The following CENPP variants were observed in gnomAD, a reference collection of about 807,000 sequenced individuals.
The protein encoded by CENPP is centromere protein P.
A neutral mutation model predicts 35.6 loss-of-function variants in CENPP; 24 were observed. The observed-to-expected ratio is 0.67, with a 90% CI of 0.49 to 0.95. The LOEUF (loss-of-function observed/expected upper bound fraction) is 0.95. Ranked by LOEUF, CENPP falls within the 40% of genes least tolerant of loss-of-function variation. The probability of loss-of-function intolerance (pLI) is 0.00; values close to 1 mark genes in which losing one functional copy is unlikely to be tolerated. For missense variants in CENPP, 332 were observed against 345.3 expected, an observed-to-expected ratio of 0.96 and a Z score of 0.31; for synonymous variants, 120 against 125.5, an observed-to-expected ratio of 0.96 and a Z score of 0.29.
At chr9:92,325,721 G>A (rs967568367), upstream of CENPP, 4 of 407,842 alleles carry the variant, frequency 9.8e-6, no homozygotes, top group Non-Finnish European at 1.8e-5. Context: ...GAGCGCTTGG[G>A]CTTGGAGTAG....
intron 5 of CENPP, among the ~76,000 whole-genome samples, chr9:92,543,039 T>G (rs1849350306): frequency 6.6e-6 from 1 of 152,204 alleles, no homozygotes; most frequent in South Asian, 2.1e-4. Flanking sequence ...AATGCATGGA[T>G]TTATTTCTTG....
chr9:92,388,743 A>C (rs1224905500), intron 5 of CENPP, among the ~76,000 whole-genome samples: 1 of 151,114 alleles, frequency 6.6e-6, no homozygotes, highest in Admixed American at 6.6e-5. Context: ...GAGGCAGGAG[A>C]ATTGCTCAAA....
At chr9:92,328,378 A>G (rs1840635813) in intron 1 of CENPP, among the ~76,000 whole-genome samples, 2 of 152,202 alleles carry the variant, frequency 1.3e-5, no homozygotes, top group African/African-American at 4.8e-5. Flanking sequence ...TTATTCAGCT[A>G]TATCCATATG....
chr9:92,393,589 A>G (rs1421854716), intron 5 of CENPP, among the ~76,000 whole-genome samples: 1 of 152,210 alleles, frequency 6.6e-6, no homozygotes, highest in Non-Finnish European at 1.5e-5. Flanking sequence ...AACATATTTC[A>G]GATTGGTGAC....
chr9:92,472,408 C>G (rs1845557033), intron 5 of CENPP, among the ~76,000 whole-genome samples: 1 of 149,838 alleles, frequency 6.7e-6, no homozygotes, highest in African/African-American at 2.5e-5. Context: ...GCCTATAATC[C>G]CAGCACTTTC....
At chr9:92,362,869 A>G (rs939694601) in intron 4 of CENPP, among the ~76,000 whole-genome samples, 4 of 152,086 alleles carry the variant, frequency 2.6e-5, no homozygotes, top group Non-Finnish European at 4.4e-5. Context: ...ATATGTATGG[A>G]TTCATTCATT....
intron 2 of CENPP, among the ~76,000 whole-genome samples, chr9:92,337,044 G>T (rs772600884): frequency 6.6e-6 from 1 of 151,956 alleles, no homozygotes; most frequent in Non-Finnish European, 1.5e-5. Context: ...TTGGCCGGGC[G>T]CAGTGGCTCA....
chr9:92,485,081 C>T (rs959494566), intron 5 of CENPP, among the ~76,000 whole-genome samples: 4 of 152,208 alleles, frequency 2.6e-5, no homozygotes, highest in Admixed American at 1.3e-4. Flanking sequence ...ACATGGAAAG[C>T]TTTGCCTCAC....
chr9:92,490,277 A>C (rs1846146185), intron 5 of CENPP, among the ~76,000 whole-genome samples: 1 of 152,226 alleles, frequency 6.6e-6, no homozygotes, highest in African/African-American at 2.4e-5. Flanking sequence ...TTGAGAGCCA[A>C]GATACTCATT....
intron 5 of CENPP, among the ~76,000 whole-genome samples, chr9:92,391,355 C>T (rs982241852): frequency 6.6e-6 from 1 of 151,944 alleles, no homozygotes; most frequent in Non-Finnish European, 1.5e-5. Context: ...AGCAGTGAGC[C>T]GAGATGGTGC....
intron 5 of CENPP, among the ~76,000 whole-genome samples, chr9:92,407,794 G>C (rs1454267127): frequency 6.6e-6 from 1 of 152,012 alleles, no homozygotes; most frequent in Non-Finnish European, 1.5e-5. Flanking sequence ...TAAAAGAATT[G>C]TAGAGACGGG....
intron 5 of CENPP, among the ~76,000 whole-genome samples, chr9:92,535,263 A>G (rs1444552488): frequency 1.3e-5 from 2 of 152,210 alleles, no homozygotes; most frequent in Non-Finnish European, 1.5e-5. Context: ...TAATTTTACT[A>G]TTAATGCTTA....
In CENPP at chr9:92,613,950, G is replaced by C. The variant is rs944915451; in HGVS notation, c.*801G>C. ...CCGTCATGACTACGCAGCAGCAGCA[G>C]TTTCCAAGACGGGCCAGAAACGCAT... On this transcript the variant is annotated 3_prime_UTR_variant, in exon 8 of 8. Coordinates refer to ENST00000375587, the MANE Select transcript of CENPP (RefSeq NM_001012267.3). 1.3e-5 allele frequency: 2 copies of C among 152,278 alleles called. No homozygotes were observed. The highest frequency in any genetic ancestry group is 4.8e-5 in the African/African-American group (2 of 41,452). The allele number at this position is 152,278 out of a possible 1,614,324, so 9.4% of individuals were successfully genotyped here.
At chr9:92,419,532 C>T (rs1366373386) in intron 5 of CENPP, among the ~76,000 whole-genome samples, 1 of 152,124 alleles carries the variant, frequency 6.6e-6, no homozygotes, top group Non-Finnish European at 1.5e-5. Context: ...AACTCCTGAC[C>T]TCATGATCCA....
At chr9:92,441,903 T>C (rs1844400785) in intron 5 of CENPP, among the ~76,000 whole-genome samples, 1 of 152,138 alleles carries the variant, frequency 6.6e-6, no homozygotes, top group Non-Finnish European at 1.5e-5. Context: ...GGTTTGATGA[T>C]AGTAAGGAAA....
intron 5 of CENPP, among the ~76,000 whole-genome samples, chr9:92,535,653 CTTAAAAA>C (rs1390571406): frequency 1.3e-5 from 2 of 151,290 alleles, no homozygotes; most frequent in Non-Finnish European, 3.0e-5. Flanking sequence ...TCTTTTAGGA[CTTAAAAA>C]TTAATAATAT....
chr9:92,356,441 G>C (rs1841591218), intron 4 of CENPP, among the ~76,000 whole-genome samples: 1 of 152,154 alleles, frequency 6.6e-6, no homozygotes, highest in Admixed American at 6.5e-5. Context: ...CTGCTATTCT[G>C]TTCTTTTTCA....
chr9:92,363,761 T>A (rs571299874), intron 4 of CENPP, among the ~76,000 whole-genome samples: 13 of 152,344 alleles, frequency 8.5e-5, no homozygotes, highest in African/African-American at 3.1e-4. Flanking sequence ...CACATTTCTA[T>A]GTCCTTTCTT....
intron 5 of CENPP, among the ~76,000 whole-genome samples, chr9:92,506,289 A>G (rs769882891): frequency 2.0e-5 from 3 of 152,232 alleles, no homozygotes; most frequent in Non-Finnish European, 4.4e-5. Context: ...ACTTGTTGGC[A>G]CAGAGTGCAG....
Sources: allele counts gnomAD v4.1 joint callset (sites outside exome capture counted in the v4.1 genomes callset), GRCh38; gene constraint gnomAD v4.1.1; transcripts MANE v1.5; gene names NCBI Gene and HGNC (gene_info 2026-07-23, HGNC 2026-07-21).